Variants in SERINC3 observed in about 807,000 individuals in gnomAD.
The protein encoded by SERINC3 is serine incorporator 3, also known as tumor differentially expressed protein 1.
Under a neutral mutation model 52.1 loss-of-function variants are expected in SERINC3, and 22 were observed. That is an observed-to-expected ratio of 0.42 (90% CI 0.30 to 0.60). The LOEUF (loss-of-function observed/expected upper bound fraction) is 0.60. Among genes scored for constraint, SERINC3 ranks in the 20% least tolerant of loss-of-function variants. SERINC3 has a pLI of 0.16. For synonymous variants in SERINC3, 226 were observed against 212.7 expected (o/e 1.06, Z -0.54); for missense variants, 564 against 584.6 (o/e 0.96, Z 0.36).
intron 2 of SERINC3, 80 bp downstream of exon 2, chr20:44,513,799 C>G: frequency 7.9e-7 from 1 of 1,265,328 alleles, no homozygotes; most frequent in Non-Finnish European, 1.1e-6. Flanking sequence ...ACTTGATTAA[C>G]AACGACGAAA....
At chr20:44,514,743 AG>A (rs779143025) in intron 1 of SERINC3, among the ~76,000 whole-genome samples, 84 of 152,330 alleles carry the variant, frequency 5.5e-4, no homozygotes, top group Non-Finnish European at 9.4e-4. Flanking sequence ...CCTGGGCTAC[AG>A]AGCGAGACTC....
chr20:44,504,910 A>G lies in SERINC3; in HGVS notation c.784-19T>C, dbSNP rs2064302047. 6.2e-7 allele frequency: 1 copy of G among 1,604,976 alleles called. No individual in the cohort carries two copies. The highest frequency in any genetic ancestry group is 8.5e-7 in the Non-Finnish European group (1 of 1,172,322). On this transcript the variant is annotated intron_variant, in intron 6 of 9. Transcript: ENST00000342374. ...GGTGTTCCTATGGAATCAAAAGGAAAACAGTGGCACAGGGACTGCCAAGGG... is the reference window on the plus strand; with the variant it reads ...GGTGTTCCTATGGAATCAAAAGGAAGACAGTGGCACAGGGACTGCCAAGGG...
At chr20:44,501,710 ACTC>A (rs908056849) in intron 8 of SERINC3, among the ~76,000 whole-genome samples, 3 of 151,362 alleles carry the variant, frequency 2.0e-5, no homozygotes, top group African/African-American at 7.3e-5. Context: ...GTTACAAGAC[ACTC>A]CTCCGACTTC....
At position 44,498,253 on chromosome 20, in the gene SERINC3, CA is replaced by C. The variant is rs1419429786; in HGVS notation, c.*2042del. 3 of 152,210 alleles carry C rather than the reference CA, an allele frequency of 2.0e-5. No individual in the cohort carries two copies. The highest frequency in any genetic ancestry group is 7.2e-5 in the African/African-American group (3 of 41,452). The allele number at this position is 152,210 out of a possible 1,614,324, so 9.4% of individuals were successfully genotyped here. On this transcript the variant is annotated 3_prime_UTR_variant, in exon 10 of 10. Coordinates refer to ENST00000342374, the MANE Select transcript of SERINC3 (RefSeq NM_006811.4). ...ATCACTCAGAAATCTACCTCTCCTTCATATTATTCATAACTGCCAGTGTTAA... is the reference window on the plus strand; with the variant it reads ...ATCACTCAGAAATCTACCTCTCCTTCTATTATTCATAACTGCCAGTGTTAA...
chr20:44,512,990 G>A lies in SERINC3; in HGVS notation c.206C>T (p.Pro69Leu). Residue 69 changes from proline to leucine, a missense_variant, in exon 3 of 10, where the codon CCT becomes CTT. By Grantham distance (98) the Pro-to-Leu change is moderately conservative. Transcript: ENST00000342374. ...TTTAAATCCCCCTTCACAAAATCCA[G>A]GAATCTGGAAAAAAGCAATTTCAAT... Reference protein sequence around the residue: ...KEMETYLKKIPGFCEGGFKIH... With the variant: ...KEMETYLKKILGFCEGGFKIH... The A allele has an allele frequency of 6.7e-7, 1 of 1,491,638 alleles. No homozygotes were observed. Among genetic ancestry groups the A allele is most frequent in the Non-Finnish European group, 8.9e-7 (1 of 1,127,372 alleles). The allele number at this position is 1,491,638 out of a possible 1,614,324, so 92.4% of individuals were successfully genotyped here.
chr20:44,509,553 G>A (rs543826221), intron 5 of SERINC3, among the ~76,000 whole-genome samples: 1 of 152,206 alleles, frequency 6.6e-6, no homozygotes, highest in African/African-American at 2.4e-5. Flanking sequence ...TTTAGAGACA[G>A]GGTCTTGCTC....
chr20:44,506,374 A>C (rs2064313127), intron 6 of SERINC3, among the ~76,000 whole-genome samples: 1 of 151,284 alleles, frequency 6.6e-6, no homozygotes, highest in African/African-American at 2.4e-5. Flanking sequence ...CGGGTGGATC[A>C]CGAGGTCAAG....
In SERINC3 at chr20:44,509,877, G is replaced by GT. The variant is rs765489069; in HGVS notation, c.613+13dup. The GT allele has an allele frequency of 6.2e-7, 1 of 1,613,528 alleles. No homozygotes were observed. The highest frequency in any genetic ancestry group is 2.2e-5 in the East Asian group (1 of 44,878). On this transcript the variant is annotated intron_variant, in intron 5 of 9. Transcript: ENST00000342374. ...GTAGCAGTATGGCTAACATAGGTGA[G>GT]TAGAGATACCTACCAGCATACCACA...
At chr20:44,509,826 G>T in intron 5 of SERINC3, 65 bp downstream of exon 5, 2 of 1,543,632 alleles carry the variant, frequency 1.3e-6, no homozygotes, top group East Asian at 2.3e-5. Flanking sequence ...CTATAATGAT[G>T]ATTTTTATTG....
chr20:44,505,463 A>AG (rs3092312), intron 6 of SERINC3, among the ~76,000 whole-genome samples: 152,199 of 152,200 alleles, frequency 1, 76,099 homozygotes, highest in Non-Finnish European at 1. Context: ...CTGGGATTAC[A>AG]GTGCCCGCCA....
chr20:44,504,156 A>G (rs906327384), intron 7 of SERINC3, among the ~76,000 whole-genome samples, 161 bp from the exon 8 acceptor site: 3 of 152,214 alleles, frequency 2.0e-5, no homozygotes, highest in Non-Finnish European at 2.9e-5. Flanking sequence ...ACGTTTGGTC[A>G]CAATCAATGA....
At chr20:44,502,277 G>A (rs1600808687) in intron 8 of SERINC3, among the ~76,000 whole-genome samples, 1 of 152,212 alleles carries the variant, frequency 6.6e-6, no homozygotes, top group African/African-American at 2.4e-5. Flanking sequence ...CAAAGTTGCA[G>A]GATACAAGAT....
intron 1 of SERINC3, among the ~76,000 whole-genome samples, chr20:44,518,413 G>GA (rs1274255957): frequency 5.2e-4 from 76 of 144,840 alleles, no homozygotes; most frequent in East Asian, 1.6e-3. Flanking sequence ...AGATGCAGAG[G>GA]AAAAAAAAAA....
downstream of SERINC3, among the ~76,000 whole-genome samples, chr20:44,496,563 G>A (rs952481605): frequency 1.6e-4 from 24 of 152,220 alleles, no homozygotes; most frequent in African/African-American, 5.5e-4. Context: ...GGAGGCTGAG[G>A]CAGGTGGATC....
chr20:44,515,128 C>T (rs772980825), intron 1 of SERINC3, among the ~76,000 whole-genome samples: 4 of 152,114 alleles, frequency 2.6e-5, no homozygotes, highest in Non-Finnish European at 5.9e-5. Flanking sequence ...CTGAGGTGGG[C>T]AGGTCACCTG....
At chr20:44,504,932 A>C in intron 6 of SERINC3, 41 bp from the exon 7 acceptor site, 1 of 1,532,148 alleles carries the variant, frequency 6.5e-7, no homozygotes, top group Non-Finnish European at 9.0e-7. Flanking sequence ...GGGACTGCCA[A>C]GGGCTGACTT....
At chr20:44,520,468 G>A (rs1285460476) in intron 1 of SERINC3, among the ~76,000 whole-genome samples, 1 of 152,200 alleles carries the variant, frequency 6.6e-6, no homozygotes, top group African/African-American at 2.4e-5. Context: ...CAAAGATGCA[G>A]CTGGAGGCCA....
At chr20:44,501,000 G>T in intron 9 of SERINC3, 73 bp downstream of exon 9, 1 of 1,107,860 alleles carries the variant, frequency 9.0e-7, no homozygotes, top group Non-Finnish European at 1.4e-6. Flanking sequence ...TCTGAGGTCA[G>T]GACAATGGAT....
At chr20:44,517,596 A>C (rs1470535877) in intron 1 of SERINC3, among the ~76,000 whole-genome samples, 2 of 152,078 alleles carry the variant, frequency 1.3e-5, no homozygotes, top group Non-Finnish European at 2.9e-5. Context: ...AAAAAAAAAA[A>C]AGCCAGGGGA....
Sources: gnomAD v4.1 joint callset for allele counts (sites outside exome capture counted in the v4.1 genomes callset) on GRCh38, gnomAD v4.1.1 for gene constraint, MANE v1.5 for transcripts, NCBI Gene and HGNC (gene_info 2026-07-23, HGNC 2026-07-21) for gene names.